Variants in RAB20 observed in about 807,000 individuals in gnomAD.
The protein encoded by RAB20 is RAB20, member RAS oncogene family.
A neutral mutation model predicts 3.7 loss-of-function variants in RAB20; 2 were observed. The observed-to-expected ratio is 0.54, with a 90% CI of 0.22 to 1.69. RAB20 has a LOEUF of 1.69. Among genes scored for constraint, RAB20 ranks in the 40% most tolerant of loss-of-function variants. The pLI is 0.19. For synonymous variants in RAB20, 126 were observed against 130.8 expected, an observed-to-expected ratio of 0.96 and a Z score of 0.25; for missense variants, 276 against 311.9, an observed-to-expected ratio of 0.88 and a Z score of 0.87.
chr13:110,552,977 G>C (rs957178796), intron 1 of RAB20, among the ~76,000 whole-genome samples: 1 of 152,216 alleles, frequency 6.6e-6, no homozygotes, highest in Non-Finnish European at 1.5e-5. Context: ...ACTGTGCTCT[G>C]CAATCTCCGA....
At chr13:110,530,080 G>A (rs1002019287) in intron 1 of RAB20, among the ~76,000 whole-genome samples, 7 of 151,934 alleles carry the variant, frequency 4.6e-5, no homozygotes, top group African/African-American at 1.5e-4. Flanking sequence ...AAATGAAGAC[G>A]CCCTGCTCAC....
intron 1 of RAB20, among the ~76,000 whole-genome samples, chr13:110,539,955 C>A (rs387164): frequency 1.3e-5 from 2 of 152,234 alleles, no homozygotes; most frequent in South Asian, 2.1e-4. Context: ...AAGTGTCATA[C>A]GCCACATGAA....
chr13:110,554,402 G>A (rs996211065), intron 1 of RAB20, among the ~76,000 whole-genome samples: 1 of 152,162 alleles, frequency 6.6e-6, no homozygotes, highest in Non-Finnish European at 1.5e-5. Context: ...GGGGGCTGAG[G>A]TTTGTGTGTG....
At chr13:110,552,827 A>G (rs1884979371) in intron 1 of RAB20, among the ~76,000 whole-genome samples, 1 of 152,238 alleles carries the variant, frequency 6.6e-6, no homozygotes, top group Non-Finnish European at 1.5e-5. Flanking sequence ...GTTAACAAAC[A>G]CAGTTGACCT....
chr13:110,544,135 C>T (rs1323194107), intron 1 of RAB20, among the ~76,000 whole-genome samples: 1 of 152,134 alleles, frequency 6.6e-6, no homozygotes, highest in Non-Finnish European at 1.5e-5. Context: ...TTCCCTGGTA[C>T]CATTTATTGA....
chr13:110,557,152 AATG>A, intron 1 of RAB20, among the ~76,000 whole-genome samples: 1 of 152,160 alleles, frequency 6.6e-6, no homozygotes, highest in African/African-American at 2.4e-5. Context: ...CTGGGGTCTG[AATG>A]AGGACTGTGT....
intron 1 of RAB20, among the ~76,000 whole-genome samples, chr13:110,552,474 A>G (rs1884969684): frequency 6.6e-6 from 1 of 151,876 alleles, no homozygotes; most frequent in South Asian, 2.1e-4. Flanking sequence ...CGGGTGGATC[A>G]CAAGGTCAGG....
rs1032565974 is a variant in RAB20, at chr13:110,559,617, G to A, written c.172+1731C>T. Among the ~76,000 whole-genome samples, 4 of 152,216 alleles carry A rather than the reference G, an allele frequency of 2.6e-5. No homozygotes were observed. In the East Asian group the frequency reaches 7.7e-4, roughly 29 times the overall value. On this transcript the variant is annotated intron_variant, in intron 1 of 1. Transcript: ENST00000267328. Reference sequence around the variant, plus strand: ...CCACTCTCTGTTCTGAGGAGCTCTAGTAATTCACCCTTAGGATCTTTCGAA... The same window carrying A: ...CCACTCTCTGTTCTGAGGAGCTCTAATAATTCACCCTTAGGATCTTTCGAA...
chr13:110,541,079 G>A (rs1210757235), intron 1 of RAB20, among the ~76,000 whole-genome samples: 1 of 152,160 alleles, frequency 6.6e-6, no homozygotes, highest in African/African-American at 2.4e-5. Flanking sequence ...AGACGGCCAC[G>A]CTTCAGCCTC....
intron 1 of RAB20, among the ~76,000 whole-genome samples, chr13:110,558,674 G>A (rs1443402904): frequency 2.8e-5 from 4 of 144,566 alleles, no homozygotes; most frequent in South Asian, 2.2e-4. Flanking sequence ...GAGCCACCGC[G>A]CAGCCCTGTC....
Position 110,561,450 on chromosome 13 carries a change from G to A in RAB20, c.70C>T (p.Arg24Trp). 6.2e-7 allele frequency: 1 copy of A among 1,606,020 alleles called. No homozygotes were observed. The highest frequency in any genetic ancestry group is 1.4e-5 in the African/African-American group (1 of 73,900). ...TCCGGGAAGCGCCGCTCCATATACC[G>A]CTGCAGCAGCGACGTCTTCCCCACG... ...MNVGKTSLLQ[R>W]YMERRFPDTV... The change falls in exon 1 of 2, where the codon CGG becomes TGG. Residue 24 changes from arginine to tryptophan, a missense_variant. By Grantham distance (101) the Arg-to-Trp change is moderately radical. Transcript: ENST00000267328.
chr13:110,527,488 G>A (rs777494630), intron 1 of RAB20, among the ~76,000 whole-genome samples: 2 of 152,228 alleles, frequency 1.3e-5, no homozygotes, highest in Non-Finnish European at 2.9e-5. Flanking sequence ...GCCAGTCTGA[G>A]GGTCAAAGTG....
chr13:110,553,650 T>G (rs1051862922), intron 1 of RAB20, among the ~76,000 whole-genome samples: 2 of 152,362 alleles, frequency 1.3e-5, no homozygotes, highest in Admixed American at 6.5e-5. Flanking sequence ...GCAGCAGGCC[T>G]GCGTCAGGCC....
chr13:110,549,953 C>G (rs1246194508), intron 1 of RAB20, among the ~76,000 whole-genome samples: 1 of 152,114 alleles, frequency 6.6e-6, no homozygotes, highest in Non-Finnish European at 1.5e-5. Context: ...TGAACTTCTG[C>G]CCTCAAGTGA....
chr13:110,527,612 C>G (rs1263386226), intron 1 of RAB20, among the ~76,000 whole-genome samples: 1 of 152,176 alleles, frequency 6.6e-6, no homozygotes, highest in Admixed American at 6.5e-5. Flanking sequence ...AATTCAGCAC[C>G]TGAAGGGCAA....
chr13:110,532,330 C>T (rs1161779779), intron 1 of RAB20, among the ~76,000 whole-genome samples: 3 of 152,206 alleles, frequency 2.0e-5, no homozygotes, highest in Middle Eastern at 6.8e-3. Flanking sequence ...AAAAGTGAGC[C>T]CTACCAGGAA....
rs1420548986 is a variant in RAB20, at chr13:110,528,421, AAAAAAAC to A, written c.173-4231_173-4225del. Among the ~76,000 whole-genome samples, 241 of 151,688 alleles carry A rather than the reference AAAAAAAC, an allele frequency of 1.6e-3. 1 individual carries two copies. The highest frequency in any genetic ancestry group is 5.7e-3 in the African/African-American group (235 of 41,380). ...AGAGTGAAACTCCATCTCAAAAAAA[AAAAAAAC>A]AAAAAACAGAAAAGAAAGAAAAATG... On this transcript the variant is annotated intron_variant, in intron 1 of 1. Transcript: ENST00000267328.
intron 1 of RAB20, among the ~76,000 whole-genome samples, chr13:110,553,982 G>A (rs1046125173): frequency 6.6e-6 from 1 of 152,114 alleles, no homozygotes; most frequent in Non-Finnish European, 1.5e-5. Context: ...TTAAATAAGG[G>A]TGCACACCTG....
At chr13:110,536,923 T>TC (rs1206801182) in intron 1 of RAB20, among the ~76,000 whole-genome samples, 5 of 39,652 alleles carry the variant, frequency 1.3e-4, no homozygotes, top group Non-Finnish European at 3.1e-4. Flanking sequence ...ATGCTTTCCC[T>TC]CCCCCCTCCC....
Sources: allele counts gnomAD v4.1 joint callset (sites outside exome capture counted in the v4.1 genomes callset), GRCh38; gene constraint gnomAD v4.1.1; transcripts MANE v1.5; gene names NCBI Gene and HGNC (gene_info 2026-07-23, HGNC 2026-07-21).